Variants in KYAT3 observed in about 807,000 individuals in gnomAD.
KYAT3 encodes the protein kynurenine aminotransferase 3.
KYAT3 carries 50 observed loss-of-function variants against 59.0 expected under a neutral mutation model. That is an observed-to-expected ratio of 0.85 (90% CI 0.68 to 1.07). The LOEUF is 1.07. Ranked by LOEUF, KYAT3 falls within the 50% of genes least tolerant of loss-of-function variation. KYAT3 has a pLI of 0.00. For synonymous variants in KYAT3, 148 were observed against 177.0 expected (o/e 0.84, Z 1.30); for missense variants, 497 against 533.3 (o/e 0.93, Z 0.67).
intron 5 of KYAT3, among the ~76,000 whole-genome samples, chr1:88,963,420 A>T (rs964804453): frequency 1.3e-5 from 2 of 152,322 alleles, no homozygotes; most frequent in East Asian, 1.9e-4. Flanking sequence ...TGGCATAGTG[A>T]AGGGAATCAA....
chr1:88,985,826 A>C (rs767690549), intron 2 of KYAT3, among the ~76,000 whole-genome samples: 3 of 152,220 alleles, frequency 2.0e-5, no homozygotes, highest in Admixed American at 6.5e-5. Flanking sequence ...CTTTGCACTA[A>C]AGGAGGCAAA....
intron 2 of KYAT3, among the ~76,000 whole-genome samples, chr1:88,986,052 G>A (rs954495405): frequency 6.6e-6 from 1 of 151,980 alleles, no homozygotes; most frequent in African/African-American, 2.4e-5. Context: ...GTGGTGGCGG[G>A]CACCTATAGT....
At chr1:88,974,980 G>A (rs1038329595) in intron 2 of KYAT3, among the ~76,000 whole-genome samples, 22 of 152,152 alleles carry the variant, frequency 1.4e-4, no homozygotes, top group Admixed American at 5.2e-4. Flanking sequence ...CAACCTGTCC[G>A]GGTCCCCTTC....
At chr1:88,936,319 C>T in intron 13 of KYAT3, 74 bp from the exon 14 acceptor site, 1 of 1,113,260 alleles carries the variant, frequency 9.0e-7, no homozygotes, top group Non-Finnish European at 1.3e-6. Flanking sequence ...TTTAAATATA[C>T]AACATAATGA....
chr1:88,934,182 C>T (rs998280450), downstream of KYAT3, among the ~76,000 whole-genome samples: 6 of 152,032 alleles, frequency 3.9e-5, no homozygotes, highest in Admixed American at 2.0e-4. Flanking sequence ...CAGCTGGGTG[C>T]GGTGGCTCAT....
intron 2 of KYAT3, among the ~76,000 whole-genome samples, chr1:88,973,746 T>C (rs961112441): frequency 1.3e-5 from 2 of 152,114 alleles, no homozygotes; most frequent in African/African-American, 4.8e-5. Context: ...TTGACAAAGA[T>C]AAGGAAAAGA....
intron 10 of KYAT3, among the ~76,000 whole-genome samples, chr1:88,952,856 T>C (rs1675738863): frequency 6.6e-6 from 1 of 152,180 alleles, no homozygotes; most frequent in Non-Finnish European, 1.5e-5. Flanking sequence ...CCAGCAATGT[T>C]TAACACAGCT....
intron 8 of KYAT3, among the ~76,000 whole-genome samples, chr1:88,958,471 C>T (rs1245635550): frequency 6.7e-6 from 1 of 150,072 alleles, no homozygotes; most frequent in Non-Finnish European, 1.5e-5. Context: ...TGTTTTGTTA[C>T]ACCTTTTGCA....
At chr1:88,974,264 T>C (rs1676672485) in intron 2 of KYAT3, among the ~76,000 whole-genome samples, 1 of 152,204 alleles carries the variant, frequency 6.6e-6, no homozygotes. Flanking sequence ...CAATCATGTG[T>C]CATTTAAAAA....
At chr1:88,964,483 A>G (rs922143741) in intron 5 of KYAT3, 3 of 254,904 alleles carry the variant, frequency 1.2e-5, no homozygotes, top group Middle Eastern at 1.5e-3. Context: ...TATACACTGT[A>G]TAATTATATT....
intron 1 of KYAT3, among the ~76,000 whole-genome samples, chr1:88,992,005 G>GTT (rs1489613399): frequency 7.0e-6 from 1 of 143,426 alleles, no homozygotes; most frequent in Non-Finnish European, 1.5e-5. Flanking sequence ...TTGAGACGGA[G>GTT]TCTTGCTCTG....
At chr1:88,945,566 A>G (rs571438072) in intron 11 of KYAT3, among the ~76,000 whole-genome samples, 33 of 152,338 alleles carry the variant, frequency 2.2e-4, no homozygotes, top group African/African-American at 7.5e-4. Flanking sequence ...AATTTCATAT[A>G]GCTTTTGTGA....
the KYAT3 span, among the ~76,000 whole-genome samples, chr1:88,924,550 T>C: frequency 2.0e-5 from 3 of 152,212 alleles, no homozygotes; most frequent in African/African-American, 4.8e-5. Context: ...TTGGGTCCCC[T>C]CCCTTCGTAT....
chr1:88,935,865 G>A lies in KYAT3; in HGVS notation c.*318C>T. The stretch of plus-strand genomic sequence containing the variant: ...TCAGAAACGACCTTCATATGAAACA[G>A]GTACTGATTTTATTCCTATTTTATA... On this transcript the variant is annotated 3_prime_UTR_variant, in exon 14 of 14. Transcript: ENST00000260508. The A allele has an allele frequency of 4.9e-6, 2 of 411,614 alleles. No individual in the cohort carries two copies. Among genetic ancestry groups the A allele is most frequent in the Non-Finnish European group, 4.3e-6 (1 of 232,676 alleles). 25.5% of individuals were successfully genotyped at this position (411,614 alleles called of 1,614,324 possible).
At chr1:88,942,422 T>A (rs918364581) in intron 13 of KYAT3, among the ~76,000 whole-genome samples, 7 of 152,198 alleles carry the variant, frequency 4.6e-5, no homozygotes, top group Admixed American at 1.3e-4. Flanking sequence ...CTTCTTTTTT[T>A]CTTTGCTACA....
chr1:88,949,217 A>G lies in KYAT3; in HGVS notation c.1015T>C (p.Phe339Leu). ...IKRMDDPECY[F>L]NSLPKELEVK... is the part of the protein sequence containing the mutation. ...TCTAACTCTTTTGGCAAAGAATTAAAGTAACATTCTGGGTCATCCATGCGC... is the reference window on the plus strand; with the variant it reads ...TCTAACTCTTTTGGCAAAGAATTAAGGTAACATTCTGGGTCATCCATGCGC... Residue 339 changes from phenylalanine to leucine, a missense_variant, in exon 11 of 14, where the codon TTT (phenylalanine) becomes CTT (leucine). Physicochemically the swap from Phe to Leu is conservative, Grantham distance 22. Transcript: ENST00000260508. 6.2e-7 allele frequency: 1 copy of G among 1,609,814 alleles called. No individual in the cohort carries two copies. The highest frequency in any genetic ancestry group is 8.5e-7 in the Non-Finnish European group (1 of 1,178,592).
chr1:88,937,896 C>G (rs890852235), intron 13 of KYAT3, among the ~76,000 whole-genome samples: 2 of 152,112 alleles, frequency 1.3e-5, no homozygotes, highest in East Asian at 1.9e-4. Flanking sequence ...TCAAAGAAAA[C>G]TGAGAAACCA....
intron 2 of KYAT3, among the ~76,000 whole-genome samples, chr1:88,978,140 TCCAA>T (rs749034477): frequency 2.6e-5 from 4 of 152,286 alleles, no homozygotes; most frequent in Admixed American, 6.5e-5. Flanking sequence ...ATTTTGATGT[TCCAA>T]CCATCACAGT....
chr1:88,990,107 A>G (rs922504504), intron 1 of KYAT3, among the ~76,000 whole-genome samples: 2 of 152,124 alleles, frequency 1.3e-5, no homozygotes, highest in African/African-American at 4.8e-5. Context: ...AATCTAAAAA[A>G]TCCTTGTTTT....
Sources: gnomAD v4.1 joint callset for allele counts (sites outside exome capture counted in the v4.1 genomes callset) on GRCh38, gnomAD v4.1.1 for gene constraint, MANE v1.5 for transcripts, NCBI Gene and HGNC (gene_info 2026-07-23, HGNC 2026-07-21) for gene names.